UNC79: variants seen among roughly 807,000 people sequenced by gnomAD.
UNC79 encodes protein unc-79 homolog.
A neutral mutation model predicts 283.1 loss-of-function variants in UNC79; 37 were observed. The observed-to-expected ratio is 0.13, with a 90% CI of 0.10 to 0.17. UNC79 has a LOEUF of 0.17. Ranked by LOEUF, UNC79 falls within the 10% of genes least tolerant of loss-of-function variation. UNC79 has a pLI of 1.00. For synonymous variants in UNC79, 1,107 were observed against 1,200.2 expected (o/e 0.92, Z 1.61); for missense variants, 2,272 against 3,211.1 (o/e 0.71, Z 7.07).
intron 1 of UNC79, among the ~76,000 whole-genome samples, chr14:93,382,689 GT>G (rs1459419776): frequency 6.6e-6 from 1 of 152,190 alleles, no homozygotes; most frequent in Non-Finnish European, 1.5e-5. Context: ...GCTCTGAGAG[GT>G]TAAATGACTT....
rs1452607553 is a variant in UNC79, at chr14:93,617,158, C to T, written c.4078C>T (p.Leu1360Phe). ...TAACATTAACTTGGGAAAACACCTT[C>T]TCCCCTTAGTGGTTCAGGTGCTCAA... The change falls in exon 28 of 49, where the codon CTC becomes TTC. Residue 1360 changes from leucine (L) to phenylalanine (F), a missense_variant. Physicochemically the swap from Leu to Phe is conservative, Grantham distance 22. Around this residue, in one of 11 missense-constraint regions of UNC79, gnomAD observed 128 missense variants for 230.3 expected, o/e 0.56. Coordinates refer to ENST00000555664, the Ensembl canonical transcript of UNC79. The surrounding 1 kb of genome is among the most constrained non-coding windows in gnomAD (Gnocchi z 4.5). The T allele has an allele frequency of 1.2e-6, 2 of 1,613,712 alleles. No homozygotes were observed. The highest frequency in any genetic ancestry group is 1.3e-5 in the African/African-American group (1 of 74,938).
intron 20 of UNC79, among the ~76,000 whole-genome samples, chr14:93,584,456 T>C (rs1566709097): frequency 1.3e-5 from 2 of 152,332 alleles, no homozygotes; most frequent in Non-Finnish European, 2.9e-5. Context: ...TCTTCTACTT[T>C]AATTTAGGAT....
chr14:93,585,785 G>T (rs1262310140), intron 20 of UNC79, among the ~76,000 whole-genome samples: 1 of 151,930 alleles, frequency 6.6e-6, no homozygotes, highest in Non-Finnish European at 1.5e-5. Flanking sequence ...GTTCTCATCT[G>T]AATATGTTCA....
At chr14:93,575,948 C>T (rs2063453559) in intron 17 of UNC79, among the ~76,000 whole-genome samples, 1 of 152,186 alleles carries the variant, frequency 6.6e-6, no homozygotes. Context: ...AAACATGGAA[C>T]ATGATTATGG....
At chr14:93,353,890 A>C (rs116842791) in intron 1 of UNC79, among the ~76,000 whole-genome samples, 2,130 of 152,318 alleles carry the variant, frequency 0.014, 23 homozygotes, top group Middle Eastern at 0.034. Flanking sequence ...TACAAAGACA[A>C]AGTCAGTGCC....
At chr14:93,669,811 C>T (rs183770752) in intron 40 of UNC79, among the ~76,000 whole-genome samples, 12 of 152,170 alleles carry the variant, frequency 7.9e-5, no homozygotes, top group Admixed American at 2.6e-4. Flanking sequence ...ATTGTGCCCC[C>T]GACACTAAAC....
chr14:93,386,890 T>C (rs1347646317), intron 1 of UNC79, among the ~76,000 whole-genome samples: 3 of 151,394 alleles, frequency 2.0e-5, no homozygotes, highest in Non-Finnish European at 4.4e-5. Context: ...ATTGATCTTT[T>C]GTATTGTTTC....
chr14:93,558,641 A>G (rs2062351227), intron 14 of UNC79, among the ~76,000 whole-genome samples: 1 of 80,024 alleles, frequency 1.2e-5, no homozygotes, highest in African/African-American at 6.3e-5. Context: ...TTTTTTTACC[A>G]TTTACTTAAC....
intron 1 of UNC79, among the ~76,000 whole-genome samples, chr14:93,450,857 G>A (rs899976974): frequency 2.0e-5 from 3 of 151,906 alleles, no homozygotes; most frequent in Non-Finnish European, 1.5e-5. Context: ...TAACTCTTTT[G>A]GTTTTGCTAT....
intron 1 of UNC79, among the ~76,000 whole-genome samples, chr14:93,414,458 C>T (rs1195893848): frequency 6.6e-6 from 1 of 152,134 alleles, no homozygotes; most frequent in Non-Finnish European, 1.5e-5. Flanking sequence ...AGTCAGGTAG[C>T]ATGATGCCTC....
chr14:93,390,483 G>T (rs2054861490), intron 1 of UNC79, among the ~76,000 whole-genome samples: 1 of 152,102 alleles, frequency 6.6e-6, no homozygotes, highest in Non-Finnish European at 1.5e-5. Flanking sequence ...GGTAAGAAAA[G>T]AAATAAGAGA....
At chr14:93,399,211 C>G (rs925910485) in intron 1 of UNC79, among the ~76,000 whole-genome samples, 15 of 152,132 alleles carry the variant, frequency 9.9e-5, no homozygotes, top group Non-Finnish European at 2.2e-4. Context: ...CTCCCTCCCT[C>G]TACATGTGGG....
At chr14:93,487,395 C>T (rs2058497721) in intron 4 of UNC79, among the ~76,000 whole-genome samples, 1 of 152,098 alleles carries the variant, frequency 6.6e-6, no homozygotes, top group South Asian at 2.1e-4. Flanking sequence ...GAGATCCCAT[C>T]TAAGTACAAC....
At chr14:93,368,844 AT>A (rs2054387286) in intron 1 of UNC79, among the ~76,000 whole-genome samples, 2 of 152,210 alleles carry the variant, frequency 1.3e-5, no homozygotes, top group South Asian at 4.1e-4. Context: ...CTTAGCAAAT[AT>A]TGTAAACAAG....
chr14:93,466,989 C>A, intron 1 of UNC79: 1 of 827,832 alleles, frequency 1.2e-6, no homozygotes, highest in South Asian at 5.6e-5. Context: ...ATTAGGAAGT[C>A]TCCTAATTTA....
At chr14:93,664,654 C>G (rs1260264959) in intron 40 of UNC79, among the ~76,000 whole-genome samples, 3 of 152,192 alleles carry the variant, frequency 2.0e-5, no homozygotes, top group Non-Finnish European at 2.9e-5. Context: ...AGTTTGGGAA[C>G]TGGGAGAAAG....
intron 42 of UNC79, among the ~76,000 whole-genome samples, chr14:93,685,768 G>T (rs1261531114): frequency 6.6e-6 from 1 of 152,194 alleles, no homozygotes; most frequent in Non-Finnish European, 1.5e-5. Flanking sequence ...CTCTCATACG[G>T]CTTTGATATA....
exon 26 of UNC79, chr14:93,603,276 C>T (rs140054571): frequency 5.9e-5 from 95 of 1,614,018 alleles, no homozygotes; most frequent in Admixed American, 1.3e-4. Flanking sequence ...CTAACCTCAG[C>T]GATGCAGCCT....
intron 27 of UNC79, among the ~76,000 whole-genome samples, chr14:93,614,604 C>CCGTG (rs2066556910): frequency 6.6e-6 from 1 of 151,262 alleles, no homozygotes; most frequent in Non-Finnish European, 1.5e-5. Context: ...CAGGCATGAG[C>CCGTG]CACGGCGCCC....
Sources: allele counts gnomAD v4.1 joint callset (sites outside exome capture counted in the v4.1 genomes callset), GRCh38; gene constraint gnomAD v4.1.1; regional missense constraint gnomAD v4.1.1; non-coding constraint Gnocchi (gnomAD v3.1); transcripts MANE v1.5; gene names NCBI Gene and HGNC (gene_info 2026-07-23, HGNC 2026-07-21).